RNF150: variants seen among roughly 807,000 people sequenced by gnomAD.
RNF150 encodes the protein ring finger protein 150.
Under a neutral mutation model 39.3 loss-of-function variants are expected in RNF150, and 24 were observed. The ratio of observed to expected loss-of-function variants is 0.61; its 90% CI spans 0.44 to 0.86. The LOEUF (loss-of-function observed/expected upper bound fraction) is 0.86. Among genes scored for constraint, RNF150 ranks in the 40% least tolerant of loss-of-function variants. The pLI is 0.00. For synonymous variants in RNF150, 255 were observed against 227.3 expected, an observed-to-expected ratio of 1.12 and a Z score of -1.10; for missense variants, 502 against 587.8, an observed-to-expected ratio of 0.85 and a Z score of 1.51.
At chr4:141,085,217 T>A (rs1043176272) in intron 1 of RNF150, among the ~76,000 whole-genome samples, 1 of 152,186 alleles carries the variant, frequency 6.6e-6, no homozygotes, top group Admixed American at 6.5e-5. Context: ...CTGCCCTTTA[T>A]AAAGCCATGA....
intron 1 of RNF150, among the ~76,000 whole-genome samples, chr4:140,980,073 C>T (rs1308405295): frequency 6.6e-6 from 1 of 151,950 alleles, no homozygotes; most frequent in Non-Finnish European, 1.5e-5. Context: ...GACGGAGTCT[C>T]GCTTTGTCAC....
chr4:140,870,538 C>A (rs930852054), intron 6 of RNF150, among the ~76,000 whole-genome samples: 1 of 151,952 alleles, frequency 6.6e-6, no homozygotes, highest in Non-Finnish European at 1.5e-5. Flanking sequence ...TGATCCCTGA[C>A]CTTCGGGAAA....
intron 3 of RNF150, among the ~76,000 whole-genome samples, chr4:140,948,126 T>C (rs1039032890): frequency 6.6e-6 from 1 of 152,188 alleles, no homozygotes; most frequent in Non-Finnish European, 1.5e-5. Flanking sequence ...CAATGGTAGT[T>C]CCAATTTTTT....
intron 4 of RNF150, among the ~76,000 whole-genome samples, chr4:140,930,162 AAACC>A (rs201611106): frequency 6.6e-6 from 1 of 152,060 alleles, no homozygotes; most frequent in Non-Finnish European, 1.5e-5. Flanking sequence ...CTCTACCTCA[AAACC>A]AACCAACCAA....
intron 1 of RNF150, among the ~76,000 whole-genome samples, chr4:141,131,468 T>TG (rs924233004): frequency 2.0e-5 from 3 of 152,178 alleles, no homozygotes; most frequent in Admixed American, 6.5e-5. Flanking sequence ...ATGGCTTTTT[T>TG]GGGGGGAGGG....
At position 140,947,568 on chromosome 4, in the gene RNF150, A is replaced by C. The variant is rs367580771; in HGVS notation, c.890+86T>G. 276 of 883,638 alleles carry C rather than the reference A, an allele frequency of 3.1e-4. 2 individuals carry two copies. In the South Asian group the frequency reaches 3.8e-3, roughly 12 times the overall value. 54.7% of individuals were successfully genotyped at this position (883,638 alleles called of 1,614,324 possible). A position where few individuals can be genotyped will look rare whatever the true frequency, so the allele number is the denominator to read the frequency against. ...TGAGGCAGACTGACCTGGCAGCACT[A>C]TGCCCAGCAGGTCGGGGCCAGGGAG... is the stretch of plus-strand genomic sequence containing the variant. On this transcript the variant is annotated intron_variant, in intron 4 of 6. Transcript: ENST00000515673.
chr4:141,196,118 T>G (rs554177570), intron 1 of RNF150, among the ~76,000 whole-genome samples: 3 of 152,296 alleles, frequency 2.0e-5, no homozygotes, highest in African/African-American at 7.2e-5. Context: ...TCCTCTTGTC[T>G]GGTTGGATGG....
intron 5 of RNF150, among the ~76,000 whole-genome samples, chr4:140,919,939 G>C (rs1731034259): frequency 6.6e-6 from 1 of 152,108 alleles, no homozygotes; most frequent in Non-Finnish European, 1.5e-5. Flanking sequence ...AAGGGGGAAA[G>C]GATTCCCTAT....
At chr4:140,939,236 A>T (rs1003026620) in intron 4 of RNF150, among the ~76,000 whole-genome samples, 1 of 152,072 alleles carries the variant, frequency 6.6e-6, no homozygotes, top group Non-Finnish European at 1.5e-5. Flanking sequence ...TCTGTTTTTT[A>T]TTTTTGGTCT....
At chr4:140,970,240 G>C (rs532238659) in intron 1 of RNF150, among the ~76,000 whole-genome samples, 3 of 152,016 alleles carry the variant, frequency 2.0e-5, no homozygotes. Flanking sequence ...AGCAATCTTC[G>C]ATTTAATAAC....
intron 1 of RNF150, among the ~76,000 whole-genome samples, chr4:141,206,728 A>G (rs1449683798): frequency 1.3e-5 from 2 of 152,136 alleles, no homozygotes; most frequent in East Asian, 3.9e-4. Flanking sequence ...ATATGTATAT[A>G]TGAAAGTGAG....
intron 1 of RNF150, among the ~76,000 whole-genome samples, chr4:141,068,559 T>C (rs1292615332): frequency 6.6e-6 from 1 of 151,932 alleles, no homozygotes; most frequent in East Asian, 1.9e-4. Context: ...TTTGGTTCCA[T>C]ATGAACTTTA....
At chr4:141,069,749 G>T (rs1314885698) in intron 1 of RNF150, among the ~76,000 whole-genome samples, 1 of 151,786 alleles carries the variant, frequency 6.6e-6, no homozygotes, top group Non-Finnish European at 1.5e-5. Flanking sequence ...CCTGTTATTG[G>T]TCTATTCAGA....
At chr4:140,887,186 G>A (rs908452221) in intron 6 of RNF150, among the ~76,000 whole-genome samples, 1 of 152,184 alleles carries the variant, frequency 6.6e-6, no homozygotes, top group Non-Finnish European at 1.5e-5. Flanking sequence ...TAACTTACAT[G>A]TATGATATGA....
At chr4:140,886,140 G>A (rs190367001) in intron 6 of RNF150, among the ~76,000 whole-genome samples, 5 of 147,696 alleles carry the variant, frequency 3.4e-5, no homozygotes, top group Admixed American at 1.4e-4. Flanking sequence ...GCAGTGAGCC[G>A]GGATAGCGCC....
At chr4:141,098,145 C>A (rs767264381) in intron 1 of RNF150, among the ~76,000 whole-genome samples, 2 of 152,218 alleles carry the variant, frequency 1.3e-5, no homozygotes, top group Non-Finnish European at 2.9e-5. Context: ...CACATTTTCT[C>A]CCAAAGAATA....
chr4:140,960,097 A>G (rs1263404031), intron 2 of RNF150, among the ~76,000 whole-genome samples: 2 of 152,054 alleles, frequency 1.3e-5, no homozygotes, highest in Non-Finnish European at 2.9e-5. Flanking sequence ...AACATCGTCA[A>G]ATCCAAATTC....
intron 1 of RNF150, among the ~76,000 whole-genome samples, chr4:141,166,597 G>A (rs1578776512): frequency 1.3e-5 from 2 of 152,278 alleles, no homozygotes; most frequent in South Asian, 4.1e-4. Flanking sequence ...ATCCACTCAT[G>A]ATCAAGTCAG....
At chr4:140,929,051 C>A (rs1308263049) in intron 4 of RNF150, among the ~76,000 whole-genome samples, 2 of 152,222 alleles carry the variant, frequency 1.3e-5, no homozygotes, top group African/African-American at 4.8e-5. Context: ...TGCTCACCAA[C>A]TGGTGTTGCT....
Sources: gnomAD v4.1 joint callset for allele counts (sites outside exome capture counted in the v4.1 genomes callset) on GRCh38, gnomAD v4.1.1 for gene constraint, MANE v1.5 for transcripts, NCBI Gene and HGNC (gene_info 2026-07-23, HGNC 2026-07-21) for gene names.